Variants in ZNF571 observed in about 807,000 individuals in gnomAD.
The protein encoded by ZNF571 is zinc finger protein 571.
A neutral mutation model predicts 7.7 loss-of-function variants in ZNF571; 4 were observed. The observed-to-expected ratio is 0.52, with a 90% CI of 0.25 to 1.18. The LOEUF is 1.18. ZNF571 is among the 50% of genes most tolerant of loss of function. ZNF571 has a pLI of 0.14. For missense variants in ZNF571, 704 were observed against 726.9 expected, an observed-to-expected ratio of 0.97 and a Z score of 0.36; for synonymous variants, 251 against 232.4, an observed-to-expected ratio of 1.08 and a Z score of -0.73.
At chr19:37,581,558 G>A (rs1270313721) in intron 3 of ZNF571, among the ~76,000 whole-genome samples, 1 of 151,024 alleles carries the variant, frequency 6.6e-6, no homozygotes, top group East Asian at 1.9e-4. Context: ...CTCGACCTCG[G>A]GGCTCAAATG....
At position 37,565,285 on chromosome 19, in the gene ZNF571, G is replaced by A. The variant is rs1218007905; in HGVS notation, c.1143C>T (p.His381=). 5 of 1,609,976 alleles carry A rather than the reference G, an allele frequency of 3.1e-6. No homozygotes were observed. Among genetic ancestry groups the A allele is most frequent in the Non-Finnish European group, 4.2e-6 (5 of 1,178,268 alleles). The part of the protein sequence containing the change: ...TFFRGSQLTY[H]LRVHSGERPY... ...GTCTCTCACCTGAATGAACTCTCAG[G>A]TGGTAAGTAAGTTGTGAGCCACGAA... Residue 381 remains histidine (H), a synonymous_variant, in exon 4 of 4, where the codon CAC becomes CAT. Transcript: ENST00000451802.
rs1318348075 is a variant in ZNF571, at chr19:37,565,246, T to G, written c.1182A>C (p.Lys394Asn). 6.2e-7 allele frequency: 1 copy of G among 1,612,614 alleles called. No homozygotes were observed. Among genetic ancestry groups the G allele is most frequent in the African/African-American group, 1.3e-5 (1 of 74,784 alleles). ...TAGAAATAAAGGCTTTCCCACATTCTTTGCATTTATAAGGTCTCTCACCTG... is the reference window on the plus strand; with the variant it reads ...TAGAAATAAAGGCTTTCCCACATTCGTTGCATTTATAAGGTCTCTCACCTG... The part of the protein sequence containing the change: ...VHSGERPYKC[K>N]ECGKAFISNS... Residue 394 changes from lysine (K) to asparagine (N), a missense_variant, in exon 4 of 4, where the codon AAA (lysine) becomes AAC (asparagine). Lys to Asn is a moderately conservative substitution (Grantham distance 94). Coordinates refer to ENST00000451802, the MANE Select transcript of ZNF571 (RefSeq NM_016536.5).
rs775767215 is a variant in ZNF571, at chr19:37,564,678, T to TA, written c.1749_1750insT (p.Lys584Ter). On this transcript the variant is annotated frameshift_variant, in exon 4 of 4. Transcript: ENST00000451802. LOFTEE classifies it low-confidence loss of function (END_TRUNC). ...CCACACTGGACACATGTATAGGGTT[T>TA]CTCACCAGTATGGATCCTTTGATGC... 3.7e-6 allele frequency: 6 copies of TA among 1,613,422 alleles called. No homozygotes were observed. Among genetic ancestry groups the TA allele is most frequent in the Non-Finnish European group, 4.2e-6 (5 of 1,179,608 alleles).
chr19:37,566,764 C>T (rs1005722558), intron 3 of ZNF571, among the ~76,000 whole-genome samples: 2 of 152,144 alleles, frequency 1.3e-5, no homozygotes, highest in Non-Finnish European at 2.9e-5. Context: ...ATCTATTCTT[C>T]ATACAGCAGC....
intron 3 of ZNF571, among the ~76,000 whole-genome samples, chr19:37,574,901 A>G (rs1280080774): frequency 6.6e-6 from 1 of 152,196 alleles, no homozygotes; most frequent in Non-Finnish European, 1.5e-5. Flanking sequence ...CGGCCTTCAT[A>G]ACTATATAAT....
At chr19:37,580,537 C>T (rs1431327193) in intron 3 of ZNF571, among the ~76,000 whole-genome samples, 2 of 152,202 alleles carry the variant, frequency 1.3e-5, no homozygotes, top group Non-Finnish European at 2.9e-5. Context: ...TTTGTACCCA[C>T]CAAATCTCAT....
intron 1 of ZNF571, chr19:37,594,206 A>G (rs1212384048): frequency 6.6e-6 from 1 of 152,262 alleles, no homozygotes; most frequent in Admixed American, 6.5e-5. Context: ...GAAACTTCAA[A>G]AAGAGCCTCT....
intron 3 of ZNF571, among the ~76,000 whole-genome samples, chr19:37,579,197 C>T (rs546138584): frequency 6.6e-6 from 1 of 152,220 alleles, no homozygotes; most frequent in African/African-American, 2.4e-5. Flanking sequence ...CCCACCTCCC[C>T]ACATCATAGC....
intron 1 of ZNF571, among the ~76,000 whole-genome samples, chr19:37,587,967 G>A (rs1016194112): frequency 6.6e-6 from 1 of 151,906 alleles, no homozygotes; most frequent in Non-Finnish European, 1.5e-5. Context: ...AGGCATGGTG[G>A]CACATGCCTG....
At chr19:37,590,523 CATTTT>C (rs1409564726) in intron 1 of ZNF571, among the ~76,000 whole-genome samples, 6 of 152,246 alleles carry the variant, frequency 3.9e-5, no homozygotes, top group Non-Finnish European at 8.8e-5. Context: ...TGCTACATTT[CATTTT>C]AATAAATGAA....
chr19:37,585,941 A>G (rs2043657937), intron 2 of ZNF571: 2 of 152,216 alleles, frequency 1.3e-5, no homozygotes, highest in Non-Finnish European at 2.9e-5. Context: ...GATGGAAGCC[A>G]CACCCCAGGG....
At chr19:37,580,538 C>T (rs896256233) in intron 3 of ZNF571, among the ~76,000 whole-genome samples, 9 of 152,118 alleles carry the variant, frequency 5.9e-5, no homozygotes, top group Non-Finnish European at 8.8e-5. Flanking sequence ...TTGTACCCAC[C>T]AAATCTCATG....
At position 37,564,614 on chromosome 19, in the gene ZNF571, G is replaced by A. The variant is rs544449090; in HGVS notation, c.1814C>T (p.Thr605Ile). 153 of 1,540,024 alleles carry A rather than the reference G, an allele frequency of 9.9e-5. 3 individuals are homozygous for A. In the South Asian group the frequency reaches 1.7e-3, roughly 17 times the overall value. The change falls in exon 4 of 4, where the codon ACA (threonine) becomes ATA (isoleucine). Residue 605 changes from threonine (T) to isoleucine (I), a missense_variant. Coordinates refer to ENST00000451802, the MANE Select transcript of ZNF571 (RefSeq NM_016536.5). ...AAGGCTTTCTCAATTATGAAGCCTTGTATGTTGAGTAAGTTGTGAAGGACA... is the reference window on the plus strand; with the variant it reads ...AAGGCTTTCTCAATTATGAAGCCTTATATGTTGAGTAAGTTGTGAAGGACA... ...FRCPSQLTQH[T>I]RLHN
At chr19:37,567,212 CTG>C (rs1230668040) in intron 3 of ZNF571, among the ~76,000 whole-genome samples, 1 of 152,226 alleles carries the variant, frequency 6.6e-6, no homozygotes, top group Non-Finnish European at 1.5e-5. Flanking sequence ...TATTGTCTGT[CTG>C]TCCCATGCTT....
chr19:37,564,795 G>C lies in ZNF571; in HGVS notation c.1633C>G (p.Leu545Val). The change falls in exon 4 of 4, where the codon CTT becomes GTT. Residue 545 changes from leucine (L) to valine (V), a missense_variant. Coordinates refer to ENST00000451802, the MANE Select transcript of ZNF571 (RefSeq NM_016536.5). Reference sequence around the variant, plus strand: ...GTATGAGTTCTCAGATGTTCAGTAAGGTGTGAGCCACGAATAAAAGCCTTC... The same window carrying C: ...GTATGAGTTCTCAGATGTTCAGTAACGTGTGAGCCACGAATAAAAGCCTTC... ...CGKAFIRGSH[L>V]TEHLRTHTGE... is the part of the protein sequence containing the mutation. 5.6e-6 allele frequency: 9 copies of C among 1,613,830 alleles called. No individual in the cohort carries two copies. The highest frequency in any genetic ancestry group is 7.6e-6 in the Non-Finnish European group (9 of 1,179,898).
At chr19:37,587,125 C>T (rs964762102) in intron 1 of ZNF571, 1 of 160,396 alleles carries the variant, frequency 6.2e-6, no homozygotes, top group African/African-American at 2.4e-5. Flanking sequence ...GCTAGACTCA[C>T]AGACATTTTG....
chr19:37,565,123 A>ACTAAGTTGT lies in ZNF571; in HGVS notation c.1296_1304dup (p.Leu434_Ser435insArgGlnLeu), dbSNP rs1195628468. The ACTAAGTTGT allele has an allele frequency of 1.2e-6, 2 of 1,613,216 alleles. No individual in the cohort carries two copies. Among genetic ancestry groups the ACTAAGTTGT allele is most frequent in the African/African-American group, 2.7e-5 (2 of 74,972 alleles). On this transcript the variant is annotated inframe_insertion, in exon 4 of 4. Coordinates refer to ENST00000451802, the MANE Select transcript of ZNF571 (RefSeq NM_016536.5). The stretch of plus-strand genomic sequence containing the variant: ...CACCTGTATGAATTCTCTGATGTTC[A>ACTAAGTTGT]CTAAGTTGTTTGCCACAAATAAAGG...
chr19:37,565,309 A>G lies in ZNF571; in HGVS notation c.1119T>C (p.Phe373=), dbSNP rs756854251. Residue 373 remains phenylalanine (F), a synonymous_variant, in exon 4 of 4, where the codon TTT becomes TTC. Coordinates refer to ENST00000451802, the MANE Select transcript of ZNF571 (RefSeq NM_016536.5). ...GGTGGTAAGTAAGTTGTGAGCCACG[A>G]AAAAAGGTCTTCCCGCATTCTTTAC... ...YECKECGKTF[F]RGSQLTYHLR... is the part of the protein sequence containing the mutation. 5 of 1,610,332 alleles carry G rather than the reference A, an allele frequency of 3.1e-6. No individual in the cohort carries two copies. Among genetic ancestry groups the G allele is most frequent in the Non-Finnish European group, 4.2e-6 (5 of 1,178,334 alleles).
rs768072183 is a variant in ZNF571, at chr19:37,564,809, A to C, written c.1619T>G (p.Ile540Ser). 61 of 1,613,880 alleles carry C rather than the reference A, an allele frequency of 3.8e-5. No individual in the cohort carries two copies. Among genetic ancestry groups the C allele is most frequent in the Non-Finnish European group, 4.8e-5 (57 of 1,179,952 alleles). ...YECKQCGKAF[I>S]RGSHLTEHLR... ...ATGTTCAGTAAGGTGTGAGCCACGA[A>C]TAAAAGCCTTCCCACACTGTTTACA... is the stretch of plus-strand genomic sequence containing the variant. Residue 540 changes from isoleucine (I) to serine (S), a missense_variant, in exon 4 of 4, where the codon ATT (isoleucine) becomes AGT (serine). Transcript: ENST00000451802.
Sources: allele counts gnomAD v4.1 joint callset (sites outside exome capture counted in the v4.1 genomes callset), GRCh38; gene constraint gnomAD v4.1.1; transcripts MANE v1.5; gene names NCBI Gene and HGNC (gene_info 2026-07-23, HGNC 2026-07-21).